The following GLMN variants were observed in gnomAD, a reference collection of about 807,000 sequenced individuals.
GLMN encodes glomulin.
A neutral mutation model predicts 87.8 loss-of-function variants in GLMN; 75 were observed. That is an observed-to-expected ratio of 0.85 (90% CI 0.71 to 1.04). GLMN has a LOEUF of 1.04. Ranked by LOEUF, GLMN falls within the 50% of genes least tolerant of loss-of-function variation. The probability of loss-of-function intolerance (pLI) is 0.00; values close to 1 mark genes in which losing one functional copy is unlikely to be tolerated. For missense variants in GLMN, 588 were observed against 658.8 expected (o/e 0.89, Z 1.18); for synonymous variants, 206 against 221.6 (o/e 0.93, Z 0.63).
chr1:92,280,407 G>A (rs1423170294), intron 7 of GLMN, among the ~76,000 whole-genome samples: 1 of 152,096 alleles, frequency 6.6e-6, no homozygotes. Flanking sequence ...CAAACAGAAA[G>A]GAATAGCATC....
At chr1:92,258,960 GTATT>G (rs548396628) in intron 16 of GLMN, among the ~76,000 whole-genome samples, 7 of 152,052 alleles carry the variant, frequency 4.6e-5, no homozygotes, top group Admixed American at 6.6e-5. Flanking sequence ...TTGTGTATGT[GTATT>G]TATTATACAA....
At chr1:92,340,115 T>C in the GLMN span, among the ~76,000 whole-genome samples, 2 of 152,224 alleles carry the variant, frequency 1.3e-5, no homozygotes, top group Non-Finnish European at 2.9e-5. Context: ...TTTATTTTGG[T>C]AGGAGGTGTT....
chr1:92,301,555 G>T, upstream of GLMN: 1 of 1,566,000 alleles, frequency 6.4e-7, no homozygotes. Flanking sequence ...ACAGCTTTTA[G>T]AGGAGAATAT....
upstream of GLMN, among the ~76,000 whole-genome samples, chr1:92,302,414 T>C (rs141996663): frequency 5.9e-4 from 90 of 152,060 alleles, no homozygotes; most frequent in African/African-American, 2.0e-3. Flanking sequence ...TTGATTTTCT[T>C]CAATTTGTTC....
At chr1:92,275,139 G>A (rs777105468) in intron 7 of GLMN, among the ~76,000 whole-genome samples, 4 of 152,226 alleles carry the variant, frequency 2.6e-5, no homozygotes, top group Non-Finnish European at 5.9e-5. Flanking sequence ...TCATGCTTCC[G>A]TGGTCTTCCA....
intron 13 of GLMN, among the ~76,000 whole-genome samples, chr1:92,265,697 G>A (rs541201724): frequency 6.6e-6 from 1 of 152,244 alleles, no homozygotes; most frequent in South Asian, 2.1e-4. Context: ...TGAAGCTGGG[G>A]GGCCAAGGGT....
At chr1:92,322,603 G>A in the GLMN span, among the ~76,000 whole-genome samples, 2 of 151,432 alleles carry the variant, frequency 1.3e-5, no homozygotes, top group Admixed American at 6.6e-5. Context: ...AGCCGGGCAC[G>A]GTGGCTCACC....
At chr1:92,291,012 G>A (rs928026455) in intron 4 of GLMN, among the ~76,000 whole-genome samples, 2 of 151,994 alleles carry the variant, frequency 1.3e-5, no homozygotes, top group African/African-American at 2.4e-5. Context: ...TTTTCTTTTA[G>A]GGAACATACC....
In GLMN at chr1:92,263,606, G is replaced by A; in HGVS notation, c.1409+17C>T. 1 of 1,017,868 alleles carries A rather than the reference G, an allele frequency of 9.8e-7. No individual in the cohort carries two copies. The highest frequency in any genetic ancestry group is 1.3e-5 in the South Asian group (1 of 79,486). 63.1% of individuals were successfully genotyped at this position (1,017,868 alleles called of 1,614,324 possible). On this transcript the variant is annotated intron_variant, in intron 15 of 18. Coordinates refer to ENST00000370360, the MANE Select transcript of GLMN (RefSeq NM_053274.3). ...ATTCTGAATTTACTATGTGAACTTT[G>A]GTAATGGTCACCTCACCTATCTGAG...
intron 3 of GLMN, among the ~76,000 whole-genome samples, chr1:92,294,034 C>G (rs1313084265): frequency 6.6e-6 from 1 of 151,540 alleles, no homozygotes; most frequent in African/African-American, 2.4e-5. Context: ...TGAATAAGAC[C>G]TACTATTTGA....
Position 92,266,361 on chromosome 1 carries a change from C to T in GLMN, c.1214+58G>A, listed in dbSNP as rs1385172312. The T allele has an allele frequency of 2.0e-5, 18 of 880,188 alleles. No individual in the cohort carries two copies. The East Asian group carries it at 4.4e-4, about 21-fold the overall frequency. The allele number at this position is 880,188 out of a possible 1,614,324, so 54.5% of individuals were successfully genotyped here. ...ACTATGCCCTAAAACAATTACATGG[C>T]ATTAACATGACTTTTAATCAACCAC... On this transcript the variant is annotated intron_variant, in intron 13 of 18. Transcript: ENST00000370360.
chr1:92,338,262 A>G, the GLMN span, among the ~76,000 whole-genome samples: 3,422 of 152,304 alleles, frequency 0.022, 159 homozygotes, highest in African/African-American at 0.077. Flanking sequence ...TGTCATGAAA[A>G]CTATGCAATT....
intron 9 of GLMN, among the ~76,000 whole-genome samples, chr1:92,269,200 CTTTTTTT>C (rs769947623): frequency 7.6e-6 from 1 of 132,106 alleles, no homozygotes; most frequent in African/African-American, 2.8e-5. Flanking sequence ...CCGTGCCTGG[CTTTTTTT>C]TTTTTTTTTT....
chr1:92,291,857 A>G (rs1464687514), intron 3 of GLMN, among the ~76,000 whole-genome samples: 4 of 152,200 alleles, frequency 2.6e-5, no homozygotes, highest in Non-Finnish European at 5.9e-5. Flanking sequence ...CTTAACTTCC[A>G]CAGACAATTT....
chr1:92,246,953 G>C, intron 18 of GLMN, 109 bp downstream of exon 18: 1 of 761,402 alleles, frequency 1.3e-6, no homozygotes. Context: ...AGCCCAGGGA[G>C]TTGAAGCTGC....
chr1:92,358,898 A>C, the GLMN span, among the ~76,000 whole-genome samples: 283 of 152,186 alleles, frequency 1.9e-3, no homozygotes, highest in African/African-American at 6.4e-3. Context: ...ATTCATCTTT[A>C]AATTTAAAAA....
chr1:92,278,275 C>T (rs984375379), intron 7 of GLMN, among the ~76,000 whole-genome samples: 1 of 152,118 alleles, frequency 6.6e-6, no homozygotes, highest in East Asian at 1.9e-4. Flanking sequence ...GCTTATACTA[C>T]CTCCAGAAGA....
intron 16 of GLMN, among the ~76,000 whole-genome samples, chr1:92,251,201 C>A (rs1352137751): frequency 6.6e-6 from 1 of 152,038 alleles, no homozygotes; most frequent in East Asian, 1.9e-4. Context: ...GTCAAGACTT[C>A]CTATAAAGGA....
the GLMN span, chr1:92,307,147 T>G: frequency 7.2e-7 from 1 of 1,390,226 alleles, no homozygotes. Flanking sequence ...AGGTAATGTT[T>G]CATGATAAGA....
Sources: gnomAD v4.1 joint callset for allele counts (sites outside exome capture counted in the v4.1 genomes callset) on GRCh38, gnomAD v4.1.1 for gene constraint, MANE v1.5 for transcripts, NCBI Gene and HGNC (gene_info 2026-07-23, HGNC 2026-07-21) for gene names.